BAZ1A: variants seen among roughly 807,000 people sequenced by gnomAD.
BAZ1A encodes the protein bromodomain adjacent to zinc finger domain 1A, also known as bromodomain adjacent to zinc finger domain protein 1A.
Under a neutral mutation model 185.2 loss-of-function variants are expected in BAZ1A, and 50 were observed. The ratio of observed to expected loss-of-function variants is 0.27; its 90% CI spans 0.22 to 0.34. The LOEUF (loss-of-function observed/expected upper bound fraction) is 0.34, where lower values mean the gene tolerates loss of function less well. Ranked by LOEUF, BAZ1A falls within the 10% of genes least tolerant of loss-of-function variation. BAZ1A has a pLI of 1.00. For missense variants in BAZ1A, 1,356 were observed against 1,839.9 expected, an observed-to-expected ratio of 0.74 and a Z score of 4.81; for synonymous variants, 571 against 615.6, an observed-to-expected ratio of 0.93 and a Z score of 1.07.
chr14:34,797,558 C>T (rs948336330), intron 9 of BAZ1A, among the ~76,000 whole-genome samples: 2 of 147,284 alleles, frequency 1.4e-5, no homozygotes, highest in Non-Finnish European at 3.0e-5. Context: ...CACTCCATCT[C>T]AAAAAAAAAA....
At chr14:34,847,974 C>G (rs1279106882) in intron 3 of BAZ1A, among the ~76,000 whole-genome samples, 1 of 152,066 alleles carries the variant, frequency 6.6e-6, no homozygotes, top group African/African-American at 2.4e-5. Context: ...ATCTTCCCAC[C>G]TCAGTCTCCC....
chr14:34,864,692 G>A (rs555567159), intron 2 of BAZ1A, among the ~76,000 whole-genome samples: 2 of 149,812 alleles, frequency 1.3e-5, no homozygotes, highest in Admixed American at 6.7e-5. Flanking sequence ...TGTTGGTCTC[G>A]AACTCCTGAC....
At chr14:34,784,086 G>A (rs1256339966) in intron 14 of BAZ1A, among the ~76,000 whole-genome samples, 159 bp from the exon 15 acceptor site, 2 of 151,764 alleles carry the variant, frequency 1.3e-5, no homozygotes, top group South Asian at 2.1e-4. Context: ...AAGCAATTAT[G>A]GGCCAGGCGC....
chr14:34,851,955 G>A (rs1050431800), intron 3 of BAZ1A, among the ~76,000 whole-genome samples: 5 of 151,120 alleles, frequency 3.3e-5, no homozygotes, highest in Non-Finnish European at 7.4e-5. Flanking sequence ...GTGAAACCCT[G>A]TCTCTACTAA....
intron 15 of BAZ1A, among the ~76,000 whole-genome samples, chr14:34,783,547 G>A (rs1052098191): frequency 6.6e-6 from 1 of 151,982 alleles, no homozygotes; most frequent in Non-Finnish European, 1.5e-5. Context: ...TGTTGGCCAG[G>A]CTAGTCTCGA....
At chr14:34,767,655 C>T (rs1878940289) in intron 21 of BAZ1A, among the ~76,000 whole-genome samples, 1 of 152,102 alleles carries the variant, frequency 6.6e-6, no homozygotes. Context: ...AAAATATAAG[C>T]CTTCATGAAA....
At chr14:34,774,035 TAC>T (rs993245089) in intron 19 of BAZ1A, among the ~76,000 whole-genome samples, 11 of 152,240 alleles carry the variant, frequency 7.2e-5, no homozygotes, top group African/African-American at 2.6e-4. Context: ...AGCCATGAAT[TAC>T]AGATTTTAAA....
intron 3 of BAZ1A, among the ~76,000 whole-genome samples, chr14:34,853,978 G>C (rs1397534122): frequency 1.3e-5 from 2 of 152,194 alleles, no homozygotes; most frequent in Non-Finnish European, 2.9e-5. Flanking sequence ...TTGCCAAAAA[G>C]TTATACAGGT....
intron 6 of BAZ1A, among the ~76,000 whole-genome samples, chr14:34,804,806 A>G (rs1001115415): frequency 3.3e-5 from 5 of 152,250 alleles, no homozygotes; most frequent in African/African-American, 1.2e-4. Flanking sequence ...AAAGTTCCTT[A>G]TTCATACACA....
chr14:34,755,016 A>G, intron 25 of BAZ1A, 102 bp from the exon 26 acceptor site: 1 of 697,552 alleles, frequency 1.4e-6, no homozygotes, highest in Non-Finnish European at 2.4e-6. Context: ...TCAATATGCA[A>G]TTGCAATATG....
chr14:34,810,650 G>A (rs891586047), intron 5 of BAZ1A, among the ~76,000 whole-genome samples: 6 of 151,920 alleles, frequency 3.9e-5, no homozygotes, highest in African/African-American at 1.2e-4. Context: ...AATAGAGACA[G>A]GGTCTTGCCA....
chr14:34,828,061 G>A (rs757262456), intron 3 of BAZ1A, among the ~76,000 whole-genome samples: 5 of 152,002 alleles, frequency 3.3e-5, no homozygotes, highest in Non-Finnish European at 7.4e-5. Context: ...TTGGGACACC[G>A]AGGCGGGCGG....
At chr14:34,754,763 T>G in intron 26 of BAZ1A, 64 bp downstream of exon 26, 2 of 1,142,716 alleles carry the variant, frequency 1.8e-6, no homozygotes, top group Non-Finnish European at 2.5e-6. Context: ...AAAATAAATA[T>G]CAAAGATGCT....
intron 3 of BAZ1A, among the ~76,000 whole-genome samples, chr14:34,845,587 G>A (rs532698045): frequency 1.2e-3 from 186 of 152,142 alleles, no homozygotes; most frequent in African/African-American, 4.4e-3. Flanking sequence ...TTGGCTGGGC[G>A]CAGTGGCTCA....
chr14:34,762,395 G>A (rs983007656), intron 23 of BAZ1A, among the ~76,000 whole-genome samples, 172 bp from the exon 24 acceptor site: 1 of 152,090 alleles, frequency 6.6e-6, no homozygotes, highest in African/African-American at 2.4e-5. Flanking sequence ...GTTCTCAAGG[G>A]AATCTAAAAT....
chr14:34,773,812 A>G, intron 19 of BAZ1A, 86 bp from the exon 20 acceptor site: 1 of 1,282,978 alleles, frequency 7.8e-7, no homozygotes, highest in Non-Finnish European at 1.1e-6. Context: ...ATATAAAATC[A>G]ATTCATGGAT....
At chr14:34,824,272 G>A (rs1317948355) in intron 4 of BAZ1A, among the ~76,000 whole-genome samples, 2 of 133,104 alleles carry the variant, frequency 1.5e-5, no homozygotes, top group Admixed American at 1.7e-4. Flanking sequence ...TACTTGGGAC[G>A]ATGAAGCAGG....
At position 34,794,671 on chromosome 14, in the gene BAZ1A, T is replaced by C. The variant is rs889224915; in HGVS notation, c.1363+78A>G. On this transcript the variant is annotated intron_variant, in intron 11 of 26. Transcript: ENST00000360310. Reference sequence around the variant, plus strand: ...CAACTCCAGTGCCCCCACAGAACTTTACAAGGTGGCTTGTTTTTTTAAAGC... The same window carrying C: ...CAACTCCAGTGCCCCCACAGAACTTCACAAGGTGGCTTGTTTTTTTAAAGC... The C allele has an allele frequency of 2.1e-6, 3 of 1,460,544 alleles. No homozygotes were observed. In the Admixed American group the frequency reaches 6.0e-5, roughly 29 times the overall value. The allele number at this position is 1,460,544 out of a possible 1,614,324, so 90.5% of individuals were successfully genotyped here.
Position 34,826,150 on chromosome 14 carries a change from C to T in BAZ1A, c.399G>A (p.Gln133=). 6.2e-7 allele frequency: 1 copy of T among 1,608,568 alleles called. No homozygotes were observed. Among genetic ancestry groups the T allele is most frequent in the East Asian group, 2.2e-5 (1 of 44,790 alleles). The part of the protein sequence containing the change: ...EVIRNNGARL[Q]CRILEVLPPS... ...GAGGGAGGACTTCCAAAATCCTACA[C>T]TGCAACCTGAAATAAAATGATACAT... The change falls in exon 4 of 27, where the codon CAG becomes CAA. Residue 133 remains glutamine, a synonymous_variant. Coordinates refer to ENST00000360310, the MANE Select transcript of BAZ1A (RefSeq NM_013448.3).
Sources: gnomAD v4.1 joint callset for allele counts (sites outside exome capture counted in the v4.1 genomes callset) on GRCh38, gnomAD v4.1.1 for gene constraint, MANE v1.5 for transcripts, NCBI Gene and HGNC (gene_info 2026-07-23, HGNC 2026-07-21) for gene names.